Variants in GPHN observed in about 807,000 individuals in gnomAD.
The protein encoded by GPHN is gephyrin.
Under a neutral mutation model 95.5 loss-of-function variants are expected in GPHN, and 17 were observed. That is an observed-to-expected ratio of 0.18 (90% confidence interval 0.12 to 0.27). GPHN has a LOEUF of 0.27. Among genes scored for constraint, GPHN ranks in the 10% least tolerant of loss-of-function variants. GPHN has a pLI of 1.00. For missense variants in GPHN, 660 were observed against 978.1 expected (o/e 0.67, Z 4.34); for synonymous variants, 320 against 322.5 (o/e 0.99, Z 0.08).
chr14:67,101,670 T>C (rs915244924), intron 13 of GPHN, among the ~76,000 whole-genome samples: 1 of 151,594 alleles, frequency 6.6e-6, no homozygotes, highest in Non-Finnish European at 1.5e-5. Context: ...TGAAGGATAC[T>C]TGCAATACAT....
the GPHN span, among the ~76,000 whole-genome samples, chr14:67,396,295 C>T: frequency 6.6e-6 from 1 of 151,584 alleles, no homozygotes; most frequent in Non-Finnish European, 1.5e-5. Context: ...CTACAGACGC[C>T]CACCACCCCG....
At chr14:66,751,864 G>C (rs906090571) in intron 2 of GPHN, among the ~76,000 whole-genome samples, 28 of 152,030 alleles carry the variant, frequency 1.8e-4, no homozygotes, top group African/African-American at 6.8e-4. Flanking sequence ...CTCTCTCTAT[G>C]TGAAAGTCCT....
At chr14:66,820,693 C>T (rs983011142) in intron 3 of GPHN, among the ~76,000 whole-genome samples, 6 of 152,072 alleles carry the variant, frequency 3.9e-5, no homozygotes, top group Admixed American at 2.0e-4. Flanking sequence ...TCTTTGGAGT[C>T]CAGAGTAGCA....
At chr14:67,406,434 G>A in the GPHN span, among the ~76,000 whole-genome samples, 3 of 152,094 alleles carry the variant, frequency 2.0e-5, no homozygotes, top group Non-Finnish European at 4.4e-5. Context: ...AGTTAGGCAG[G>A]TCAGGAAGTC....
the GPHN span, chr14:67,393,046 C>A: frequency 1.0e-6 from 1 of 976,616 alleles, no homozygotes; most frequent in South Asian, 1.3e-5. Flanking sequence ...TGTTGCCCAG[C>A]AGGCAGCTCT....
the GPHN span, among the ~76,000 whole-genome samples, chr14:67,484,441 C>T: frequency 6.6e-6 from 1 of 152,190 alleles, no homozygotes; most frequent in Non-Finnish European, 1.5e-5. Flanking sequence ...TTAATTCTAG[C>T]ATTTAATTTT....
At chr14:67,070,715 A>AAAAAAAAATATATATATATATATATATAT in intron 11 of GPHN, among the ~76,000 whole-genome samples, 1 of 80,704 alleles carries the variant, frequency 1.2e-5, no homozygotes, top group African/African-American at 1.3e-4. Context: ...AAAAAAAAAA[A>AAAAAAAAATATATATATATATATATATAT]ATATATATAT....
intron 10 of GPHN, among the ~76,000 whole-genome samples, chr14:67,055,953 G>T (rs1047511928): frequency 6.6e-6 from 1 of 152,182 alleles, no homozygotes; most frequent in East Asian, 1.9e-4. Context: ...CTTCCAGTGG[G>T]TTCGTGGTCT....
the GPHN span, among the ~76,000 whole-genome samples, chr14:67,259,370 G>T: frequency 1.3e-5 from 2 of 151,772 alleles, no homozygotes; most frequent in African/African-American, 4.8e-5. Flanking sequence ...CAGCACTTTG[G>T]GAGGCCAAGG....
the GPHN span, among the ~76,000 whole-genome samples, chr14:67,529,049 T>C: frequency 6.6e-6 from 1 of 152,116 alleles, no homozygotes; most frequent in African/African-American, 2.4e-5. Flanking sequence ...GCCTTGCTAG[T>C]CCTTTACACC....
the GPHN span, among the ~76,000 whole-genome samples, chr14:67,681,371 TA>T: frequency 6.6e-6 from 1 of 152,234 alleles, no homozygotes; most frequent in Admixed American, 6.5e-5. Flanking sequence ...AACAGACTAA[TA>T]CAGATACCAA....
intron 1 of GPHN, among the ~76,000 whole-genome samples, chr14:66,664,989 CAAAAAAAAA>C (rs937401198): frequency 1.1e-4 from 6 of 54,898 alleles, no homozygotes; most frequent in African/African-American, 3.7e-4. Flanking sequence ...GCCTACCAAC[CAAAAAAAAA>C]AAAAAAAAAA....
intron 14 of GPHN, among the ~76,000 whole-genome samples, chr14:67,111,575 A>C (rs537116789): frequency 6.6e-6 from 1 of 152,162 alleles, no homozygotes; most frequent in Non-Finnish European, 1.5e-5. Flanking sequence ...ATAATGTATT[A>C]GTTCAAATAT....
chr14:67,484,040 C>A, the GPHN span, among the ~76,000 whole-genome samples: 1 of 152,234 alleles, frequency 6.6e-6, no homozygotes, highest in Non-Finnish European at 1.5e-5. Flanking sequence ...GGCTGCCTTG[C>A]TGTTACCATT....
chr14:67,047,360 G>GTT (rs1555473144), intron 10 of GPHN, among the ~76,000 whole-genome samples: 2 of 133,588 alleles, frequency 1.5e-5, no homozygotes, highest in African/African-American at 2.7e-5. Flanking sequence ...GTGTGTGTGT[G>GTT]TGTTTGTTTT....
chr14:67,350,643 T>C, the GPHN span: 3 of 1,613,848 alleles, frequency 1.9e-6, no homozygotes, highest in Non-Finnish European at 2.5e-6. Flanking sequence ...TGGCTTCAGC[T>C]AGTGAAAAGG....
At chr14:66,535,245 C>T (rs1331704402) in intron 1 of GPHN, among the ~76,000 whole-genome samples, 1 of 151,810 alleles carries the variant, frequency 6.6e-6, no homozygotes, top group African/African-American at 2.4e-5. Context: ...AAAAAAATTG[C>T]CCTTAAACCA....
the GPHN span, among the ~76,000 whole-genome samples, chr14:67,537,382 A>AATAAT: frequency 0.023 from 2,186 of 93,438 alleles, 61 homozygotes; most frequent in African/African-American, 0.041. Flanking sequence ...ATAATAATAA[A>AATAAT]AACTTAATCT....
intron 3 of GPHN, among the ~76,000 whole-genome samples, chr14:66,793,966 T>A (rs539571283): frequency 2.8e-4 from 42 of 152,312 alleles, no homozygotes; most frequent in South Asian, 1.0e-3. Context: ...ATTTAACAAT[T>A]CAATCATAAG....
Sources: allele counts gnomAD v4.1 joint callset (sites outside exome capture counted in the v4.1 genomes callset), GRCh38; gene constraint gnomAD v4.1.1; transcripts MANE v1.5; gene names NCBI Gene and HGNC (gene_info 2026-07-23, HGNC 2026-07-21).